Variants in CADM2 observed in about 807,000 individuals in gnomAD.
CADM2 encodes the protein cell adhesion molecule 2.
A neutral mutation model predicts 49.8 loss-of-function variants in CADM2; 12 were observed. The ratio of observed to expected loss-of-function variants is 0.24; its 90% CI spans 0.15 to 0.39. The LOEUF (loss-of-function observed/expected upper bound fraction) is 0.39, where lower values mean the gene tolerates loss of function less well. Ranked by LOEUF, CADM2 falls within the 10% of genes least tolerant of loss-of-function variation. The pLI is 1.00. For missense variants in CADM2, 378 were observed against 492.3 expected (o/e 0.77, Z 2.20); for synonymous variants, 214 against 175.4 (o/e 1.22, Z -1.74).
chr3:85,838,672 A>G (rs984110608), intron 3 of CADM2, among the ~76,000 whole-genome samples: 4 of 151,746 alleles, frequency 2.6e-5, no homozygotes, highest in African/African-American at 9.7e-5. Context: ...TATGCAGCCA[A>G]GGTTGAAAAA....
intron 1 of CADM2, among the ~76,000 whole-genome samples, chr3:85,311,570 G>A (rs1433740583): frequency 6.6e-6 from 1 of 151,750 alleles, no homozygotes; most frequent in Non-Finnish European, 1.5e-5. Context: ...TAGAAACGGG[G>A]TTTCACCGTG....
At chr3:85,713,599 C>T (rs1388784626) in intron 1 of CADM2, among the ~76,000 whole-genome samples, 1 of 152,190 alleles carries the variant, frequency 6.6e-6, no homozygotes, top group East Asian at 1.9e-4. Context: ...AATAACTCAG[C>T]TCTTACCTAC....
chr3:85,022,988 T>A (rs1263275772), intron 1 of CADM2, among the ~76,000 whole-genome samples: 2 of 152,038 alleles, frequency 1.3e-5, no homozygotes, highest in East Asian at 3.9e-4. Context: ...TGCTTCTAAT[T>A]TTCTACTTAT....
intron 3 of CADM2, among the ~76,000 whole-genome samples, chr3:85,806,188 G>GAGGA (rs550860076): frequency 7.1e-4 from 104 of 145,504 alleles, no homozygotes; most frequent in Middle Eastern, 7.0e-3. Context: ...GGGAGGGAGG[G>GAGGA]AGGAAGGAAG....
At chr3:85,134,359 C>G (rs377545721) in intron 1 of CADM2, among the ~76,000 whole-genome samples, 1 of 152,244 alleles carries the variant, frequency 6.6e-6, no homozygotes, top group Non-Finnish European at 1.5e-5. Flanking sequence ...AAAGTGGGAG[C>G]CCAGGCAGAG....
chr3:85,368,385 C>A (rs142612816), intron 1 of CADM2, among the ~76,000 whole-genome samples: 1 of 151,900 alleles, frequency 6.6e-6, no homozygotes, highest in African/African-American at 2.4e-5. Context: ...CTAAGCATTG[C>A]GTGGGCCAAT....
chr3:85,426,131 C>CTTTTTTT (rs75964821), intron 1 of CADM2, among the ~76,000 whole-genome samples: 1 of 148,258 alleles, frequency 6.7e-6, no homozygotes, highest in African/African-American at 2.5e-5. Flanking sequence ...TTCAGGCTAT[C>CTTTTTTT]TTTTTTTTTT....
At chr3:85,182,133 G>A (rs1003063111) in intron 1 of CADM2, among the ~76,000 whole-genome samples, 17 of 151,840 alleles carry the variant, frequency 1.1e-4, no homozygotes, top group Non-Finnish European at 1.5e-5. Flanking sequence ...CACGATATAT[G>A]CATAACTTCA....
intron 3 of CADM2, among the ~76,000 whole-genome samples, chr3:85,803,283 A>G (rs2072170342): frequency 6.6e-6 from 1 of 152,162 alleles, no homozygotes; most frequent in South Asian, 2.1e-4. Context: ...TGTACCAGGC[A>G]TTAAAATTAG....
intron 1 of CADM2, among the ~76,000 whole-genome samples, chr3:85,534,798 A>G (rs957483449): frequency 2.6e-5 from 4 of 152,108 alleles, no homozygotes; most frequent in Non-Finnish European, 1.5e-5. Context: ...CAAGGTCTCT[A>G]TCTTCTATCT....
intron 1 of CADM2, among the ~76,000 whole-genome samples, chr3:85,342,978 A>G (rs1356660827): frequency 2.0e-5 from 3 of 152,176 alleles, no homozygotes; most frequent in African/African-American, 7.2e-5. Context: ...TGTCTAATAC[A>G]TGAGTTTTGC....
At chr3:85,917,947 A>G (rs1718585803) in intron 6 of CADM2, among the ~76,000 whole-genome samples, 1 of 152,076 alleles carries the variant, frequency 6.6e-6, no homozygotes, top group African/African-American at 2.4e-5. Flanking sequence ...ATTGGAGTTC[A>G]CTCATGGTTT....
chr3:85,584,203 T>G (rs2062872714), intron 1 of CADM2, among the ~76,000 whole-genome samples: 1 of 152,020 alleles, frequency 6.6e-6, no homozygotes. Context: ...TTAATGATCT[T>G]TAAGAGCCTC....
At chr3:85,322,581 C>A (rs765653986) in intron 1 of CADM2, among the ~76,000 whole-genome samples, 1 of 152,100 alleles carries the variant, frequency 6.6e-6, no homozygotes, top group East Asian at 1.9e-4. Context: ...TAGAAATGTC[C>A]ATGTTTAAAG....
chr3:85,338,974 A>T (rs1237763625), intron 1 of CADM2, among the ~76,000 whole-genome samples: 2 of 151,550 alleles, frequency 1.3e-5, no homozygotes, highest in East Asian at 3.8e-4. Context: ...TAATAAAACT[A>T]GATTGAGACC....
At chr3:85,520,796 A>G (rs1319120987) in intron 1 of CADM2, among the ~76,000 whole-genome samples, 2 of 152,206 alleles carry the variant, frequency 1.3e-5, no homozygotes, top group South Asian at 2.1e-4. Flanking sequence ...TTGGACATGC[A>G]TGTTTTTAAG....
At chr3:85,842,842 T>C (rs1036352064) in intron 3 of CADM2, among the ~76,000 whole-genome samples, 1 of 152,124 alleles carries the variant, frequency 6.6e-6, no homozygotes, top group Non-Finnish European at 1.5e-5. Flanking sequence ...ATTCATTAGA[T>C]ATTAGATTCA....
chr3:85,092,132 A>G (rs1475817274), intron 1 of CADM2, among the ~76,000 whole-genome samples: 1 of 152,182 alleles, frequency 6.6e-6, no homozygotes. Context: ...CCACTAAATA[A>G]TAAAAACAAT....
At chr3:85,671,816 C>T (rs1207024131) in intron 1 of CADM2, among the ~76,000 whole-genome samples, 1 of 152,192 alleles carries the variant, frequency 6.6e-6, no homozygotes, top group Non-Finnish European at 1.5e-5. Flanking sequence ...TGTATATACT[C>T]ATTCTGAATT....
Sources: gnomAD v4.1 joint callset for allele counts (sites outside exome capture counted in the v4.1 genomes callset) on GRCh38, gnomAD v4.1.1 for gene constraint, MANE v1.5 for transcripts, NCBI Gene and HGNC (gene_info 2026-07-23, HGNC 2026-07-21) for gene names.